Variants in HERC2 observed in about 807,000 individuals in gnomAD.
HERC2 encodes the protein E3 ubiquitin-protein ligase HERC2.
In HERC2, 102 loss-of-function variants were observed where a neutral mutation model predicts 537.7. That is an observed-to-expected ratio of 0.19 (90% CI 0.16 to 0.22). HERC2 has a LOEUF of 0.22. Among genes scored for constraint, HERC2 ranks in the 10% least tolerant of loss-of-function variants. The pLI, the probability that HERC2 is intolerant of heterozygous loss-of-function variation, is 1.00. For missense variants in HERC2, 4,236 were observed against 6,198.2 expected (o/e 0.68, Z 10.63); for synonymous variants, 2,224 against 2,466.2 (o/e 0.90, Z 2.91).
At chr15:28,144,536 C>G (rs577305895) in intron 72 of HERC2, 137 bp downstream of exon 72, 14 of 1,192,832 alleles carry the variant, frequency 1.2e-5, no homozygotes, top group Non-Finnish European at 1.7e-5. Flanking sequence ...CTCAGCAGGG[C>G]CTGTGAGAGC....
At chr15:28,214,827 C>A in intron 39 of HERC2, 25 bp from the exon 40 acceptor site, 4 of 1,584,946 alleles carry the variant, frequency 2.5e-6, no homozygotes, top group East Asian at 2.2e-5. Flanking sequence ...TTTATAACGA[C>A]AAGCATTAAA....
chr15:28,279,804 C>T (rs2075976167), intron 5 of HERC2, among the ~76,000 whole-genome samples: 1 of 151,948 alleles, frequency 6.6e-6, no homozygotes, highest in African/African-American at 2.4e-5. Context: ...CAGAGCAAGA[C>T]ATTGTCTCTC....
At chr15:28,236,922 A>C in intron 26 of HERC2, 41 bp downstream of exon 26, 1 of 1,602,486 alleles carries the variant, frequency 6.2e-7, no homozygotes, top group South Asian at 1.1e-5. Context: ...CAGTTCAAAA[A>C]AAATAATCTG....
intron 15 of HERC2, among the ~76,000 whole-genome samples, chr15:28,261,954 C>T (rs7178333): frequency 0.019 from 2,949 of 151,974 alleles, 94 homozygotes; most frequent in African/African-American, 0.067. Context: ...ACAGCCCCCA[C>T]ACACAACGCA....
At chr15:28,276,289 C>G (rs958055552) in intron 5 of HERC2, among the ~76,000 whole-genome samples, 1 of 151,364 alleles carries the variant, frequency 6.6e-6, no homozygotes, top group Non-Finnish European at 1.5e-5. Context: ...CACGGCTGGC[C>G]AGGGGCAACA....
intron 69 of HERC2, among the ~76,000 whole-genome samples, chr15:28,156,373 T>G (rs1023444256): frequency 3.9e-4 from 59 of 151,824 alleles, no homozygotes; most frequent in Middle Eastern, 6.8e-3. Flanking sequence ...ATTTTCACGA[T>G]TTCCTATCCA....
At chr15:28,173,668 T>A (rs1894914286) in intron 65 of HERC2, among the ~76,000 whole-genome samples, 2 of 151,298 alleles carry the variant, frequency 1.3e-5, no homozygotes, top group Admixed American at 1.3e-4. Context: ...CCAGGCATGG[T>A]GACATGTGCC....
At chr15:28,125,819 A>T (rs572166574) in intron 83 of HERC2, among the ~76,000 whole-genome samples, 1 of 152,104 alleles carries the variant, frequency 6.6e-6, no homozygotes, top group Non-Finnish European at 1.5e-5. Context: ...GATTACATGC[A>T]TGAACCACTG....
chr15:28,254,567 G>A, intron 19 of HERC2, 49 bp from the exon 20 acceptor site: 4 of 1,334,548 alleles, frequency 3.0e-6, no homozygotes, highest in Non-Finnish European at 3.1e-6. Flanking sequence ...ATTACCAGGT[G>A]TGAAGACACA....
At position 28,262,907 on chromosome 15, in the gene HERC2, T is replaced by C. The variant is rs747558429; in HGVS notation, c.2122+11A>G. 3.1e-6 allele frequency: 5 copies of C among 1,612,166 alleles called. No individual in the cohort carries two copies. The highest frequency in any genetic ancestry group is 1.7e-5 in the Admixed American group (1 of 59,860). On this transcript the variant is annotated intron_variant, in intron 15 of 92. Coordinates refer to ENST00000261609, the MANE Select transcript of HERC2 (RefSeq NM_004667.6). ...TCCTGAAGGGTTTTAAAAGTTTACA[T>C]TTGCACTCACCTTGCAAGCCTTCTA... is the stretch of plus-strand genomic sequence containing the variant.
intron 23 of HERC2, among the ~76,000 whole-genome samples, chr15:28,245,287 C>G (rs1903544248): frequency 6.6e-6 from 1 of 152,150 alleles, no homozygotes. Context: ...TGGCTCATTC[C>G]TGTAATCCCA....
chr15:28,179,051 G>A (rs376964622), intron 58 of HERC2, 21 bp from the exon 59 acceptor site: 3 of 1,611,182 alleles, frequency 1.9e-6, no homozygotes, highest in Non-Finnish European at 2.5e-6. Flanking sequence ...CGACAGCCAG[G>A]AGAGGACTCT....
chr15:28,314,717 C>G (rs937371106), intron 2 of HERC2, among the ~76,000 whole-genome samples: 36 of 151,214 alleles, frequency 2.4e-4, no homozygotes, highest in Middle Eastern at 3.4e-3. Context: ...AAAAATTAGC[C>G]AGGAATGATG....
At chr15:28,161,759 C>T (rs1338628875) in intron 69 of HERC2, among the ~76,000 whole-genome samples, 1 of 152,106 alleles carries the variant, frequency 6.6e-6, no homozygotes, top group Non-Finnish European at 1.5e-5. Flanking sequence ...CCAGTGCTAC[C>T]AAATATTAAA....
intron 90 of HERC2, among the ~76,000 whole-genome samples, chr15:28,114,110 C>T (rs1290838008): frequency 1.3e-5 from 2 of 152,218 alleles, no homozygotes; most frequent in Non-Finnish European, 2.9e-5. Flanking sequence ...ACCTGCCACA[C>T]GGGGCCTCAC....
chr15:28,248,386 T>C (rs1415319924), intron 21 of HERC2, among the ~76,000 whole-genome samples, 166 bp downstream of exon 21: 1 of 152,172 alleles, frequency 6.6e-6, no homozygotes, highest in Non-Finnish European at 1.5e-5. Flanking sequence ...GAGGCTATTA[T>C]AGAAAGGTCC....
intron 45 of HERC2, among the ~76,000 whole-genome samples, chr15:28,205,198 TC>T (rs1898298928): frequency 6.6e-6 from 1 of 151,428 alleles, no homozygotes; most frequent in South Asian, 2.1e-4. Context: ...GCGGAAGGTC[TC>T]TTTTTGTACA....
rs772154014 is a variant in HERC2 at position 28,178,891 on chromosome 15, G to C, written c.9159C>G (p.His3053Gln). The change falls in exon 59 of 93, where the codon CAC becomes CAG. Residue 3053 changes from histidine (H) to glutamine (Q), a missense_variant. Coordinates refer to ENST00000261609, the MANE Select transcript of HERC2 (RefSeq NM_004667.6). Reference protein sequence around the residue: ...SSYVVKKVAVHSGGRHATALT... With the variant: ...SSYVVKKVAVQSGGRHATALT... ...CTCCTGGTGCTTGGCTTGTACCTGA[G>C]TGAACAGCCACCTTCTTGACCACGT... The C allele has an allele frequency of 7.4e-6, 12 of 1,613,492 alleles. No homozygotes were observed. The highest frequency in any genetic ancestry group is 1.0e-5 in the Non-Finnish European group (12 of 1,179,966).
intron 56 of HERC2, among the ~76,000 whole-genome samples, chr15:28,183,123 C>A (rs1895979173): frequency 6.6e-6 from 1 of 152,200 alleles, no homozygotes; most frequent in African/African-American, 2.4e-5. Context: ...AGCTGAAAGT[C>A]CTCGTCTCCT....
Sources: gnomAD v4.1 joint callset for allele counts (sites outside exome capture counted in the v4.1 genomes callset) on GRCh38, gnomAD v4.1.1 for gene constraint, MANE v1.5 for transcripts, NCBI Gene and HGNC (gene_info 2026-07-23, HGNC 2026-07-21) for gene names.